The following UBA6 variants were observed in gnomAD, a reference collection of about 807,000 sequenced individuals.
UBA6 encodes the protein ubiquitin-like modifier-activating enzyme 6.
Under a neutral mutation model 148.3 loss-of-function variants are expected in UBA6, and 87 were observed. The ratio of observed to expected loss-of-function variants is 0.59; its 90% CI spans 0.49 to 0.70. The LOEUF (loss-of-function observed/expected upper bound fraction) is 0.70. Ranked by LOEUF, UBA6 falls within the 30% of genes least tolerant of loss-of-function variation. The pLI, the probability that UBA6 is intolerant of heterozygous loss-of-function variation, is 0.00. For missense variants in UBA6, 1,186 were observed against 1,241.2 expected (o/e 0.96, Z 0.67); for synonymous variants, 376 against 401.0 (o/e 0.94, Z 0.75).
At chr4:67,650,909 A>C (rs1357903131) in intron 13 of UBA6, among the ~76,000 whole-genome samples, 1 of 152,124 alleles carries the variant, frequency 6.6e-6, no homozygotes, top group African/African-American at 2.4e-5. Flanking sequence ...AGAGATGTTA[A>C]GAGTTTGGTA....
At chr4:67,690,285 C>T (rs555400539) in intron 2 of UBA6, among the ~76,000 whole-genome samples, 19 of 152,064 alleles carry the variant, frequency 1.2e-4, no homozygotes, top group African/African-American at 4.6e-4. Flanking sequence ...GACCCTTATA[C>T]CATACAAAAT....
rs1275879492 is a variant in UBA6 at position 67,614,116 on chromosome 4, A to G, written c.*4881T>C. The G allele has an allele frequency of 2.0e-5, 3 of 152,140 alleles. No individual in the cohort carries two copies. The highest frequency in any genetic ancestry group is 4.4e-5 in the Non-Finnish European group (3 of 68,026). 9.4% of individuals were successfully genotyped at this position (152,140 alleles called of 1,614,324 possible). The stretch of plus-strand genomic sequence containing the variant: ...TGCACAATAAAACTTGTTCTCCACA[A>G]TCTCTTATTTAACCTGAATATTTCC... On this transcript the variant is annotated 3_prime_UTR_variant, in exon 33 of 33. Coordinates refer to ENST00000322244, the MANE Select transcript of UBA6 (RefSeq NM_018227.6).
chr4:67,624,869 A>G lies in UBA6; in HGVS notation c.2712+125T>C, dbSNP rs1214598465. On this transcript the variant is annotated intron_variant, in intron 29 of 32. Transcript: ENST00000322244. ...TTCAGAAAATATTTTGAAATTTTAA[A>G]TTATGAGATCCAATATTTATCCTTC... The G allele has an allele frequency of 6.9e-6, 5 of 721,450 alleles. No homozygotes were observed. In the African/African-American group the frequency reaches 7.1e-5, roughly 10 times the overall value. 44.7% of individuals were successfully genotyped at this position (721,450 alleles called of 1,614,324 possible).
At chr4:67,688,811 T>G (rs1730628922) in intron 2 of UBA6, among the ~76,000 whole-genome samples, 1 of 152,148 alleles carries the variant, frequency 6.6e-6, no homozygotes, top group African/African-American at 2.4e-5. Context: ...AGGTTTCGTT[T>G]TATAGGGAAA....
chr4:67,693,924 A>T (rs1000275340), intron 2 of UBA6, among the ~76,000 whole-genome samples: 1 of 152,212 alleles, frequency 6.6e-6, no homozygotes, highest in East Asian at 1.9e-4. Context: ...TTTTAAAAAG[A>T]GAAAATACAG....
Position 67,630,553 on chromosome 4 carries a change from TA to T in UBA6, c.2259-19del. ...TGAGGTGCCTTTTGAAATTAAAAAA[TA>T]AAGCAAAATTTGAATGTACAGTTTT... On this transcript the variant is annotated intron_variant, in intron 25 of 32. Transcript: ENST00000322244. 3 of 1,532,710 alleles carry T rather than the reference TA, an allele frequency of 2.0e-6. No homozygotes were observed. The highest frequency in any genetic ancestry group is 1.8e-6 in the Non-Finnish European group (2 of 1,131,722). 94.9% of individuals were successfully genotyped at this position (1,532,710 alleles called of 1,614,324 possible). A position where few individuals can be genotyped will look rare whatever the true frequency, so the allele number is the denominator to read the frequency against.
intron 7 of UBA6, among the ~76,000 whole-genome samples, chr4:67,673,466 T>A (rs549549627): frequency 9.9e-5 from 15 of 151,674 alleles, no homozygotes; most frequent in African/African-American, 2.7e-4. Flanking sequence ...ATGTTTATCA[T>A]CCTTTCCATT....
rs1352790286 is a variant in UBA6, at chr4:67,669,484, T to C, written c.670-810A>G. ...TTACAAATACTATTATGTTAAAGTA[T>C]ATTATCATTCCCTTATTTTGTCTTC... is the stretch of plus-strand genomic sequence containing the variant. On this transcript the variant is annotated intron_variant, in intron 8 of 32. Coordinates refer to ENST00000322244, the MANE Select transcript of UBA6 (RefSeq NM_018227.6). Among the ~76,000 whole-genome samples, 3 of 152,190 alleles carry C rather than the reference T, an allele frequency of 2.0e-5. No homozygotes were observed. In the East Asian group the frequency reaches 5.8e-4, roughly 29 times the overall value.
At chr4:67,632,009 TG>T in intron 23 of UBA6, 101 bp from the exon 24 acceptor site, 1 of 1,115,332 alleles carries the variant, frequency 9.0e-7, no homozygotes. Context: ...TATATGCACA[TG>T]ATTCAAAAAT....
rs568244946 is a variant in UBA6, at chr4:67,679,288, CAG to C, written c.259-757_259-756del. Among the ~76,000 whole-genome samples, 835 of 152,116 alleles carry C rather than the reference CAG, an allele frequency of 5.5e-3. 7 individuals are homozygous for C. Among genetic ancestry groups the C allele is most frequent in the South Asian group, 0.022 (105 of 4,814 alleles). On this transcript the variant is annotated intron_variant, in intron 4 of 32. Transcript: ENST00000322244. Reference sequence around the variant, plus strand: ...GAAGAATAAACCAAATATAAAAAGACAGTAACCTAATAAGTGAAGGAGGAAAC... The same window carrying C: ...GAAGAATAAACCAAATATAAAAAGACTAACCTAATAAGTGAAGGAGGAAAC...
intron 13 of UBA6, among the ~76,000 whole-genome samples, chr4:67,660,515 G>A (rs1350936629): frequency 6.6e-6 from 1 of 152,188 alleles, no homozygotes; most frequent in African/African-American, 2.4e-5. Context: ...ATGGTGTTGG[G>A]CTGTGGGTGC....
At chr4:67,672,297 C>T (rs976418926) in intron 7 of UBA6, among the ~76,000 whole-genome samples, 1 of 152,154 alleles carries the variant, frequency 6.6e-6, no homozygotes, top group Non-Finnish European at 1.5e-5. Context: ...TATACATATT[C>T]CATTGTCAGA....
intron 6 of UBA6, 22 bp from the exon 7 acceptor site, chr4:67,673,799 A>G (rs1730209442): frequency 2.6e-6 from 4 of 1,513,956 alleles, no homozygotes. Context: ...ACAACAAATT[A>G]AAAACTAGAA....
intron 11 of UBA6, 177 bp from the exon 12 acceptor site, chr4:67,663,392 C>T: frequency 2.0e-6 from 1 of 490,514 alleles, no homozygotes; most frequent in Non-Finnish European, 3.7e-6. Context: ...ATGACTTAAC[C>T]TCAAGGCCAT....
chr4:67,671,484 CT>C (rs1040824709), intron 7 of UBA6, among the ~76,000 whole-genome samples: 17 of 148,888 alleles, frequency 1.1e-4, no homozygotes, highest in African/African-American at 3.5e-4. Context: ...AACTTAGAAG[CT>C]TTTTTTTTAA....
chr4:67,657,990 A>G (rs1009285423), intron 13 of UBA6, among the ~76,000 whole-genome samples: 2 of 152,216 alleles, frequency 1.3e-5, no homozygotes, highest in African/African-American at 4.8e-5. Flanking sequence ...CAAAACCACA[A>G]TGAGATACCA....
At chr4:67,637,997 G>A (rs1729207659) in intron 19 of UBA6, among the ~76,000 whole-genome samples, 1 of 151,442 alleles carries the variant, frequency 6.6e-6, no homozygotes, top group Non-Finnish European at 1.5e-5. Flanking sequence ...CTGAAAGGAT[G>A]AAGAAAAAAA....
intron 5 of UBA6, among the ~76,000 whole-genome samples, chr4:67,677,953 C>G (rs1392561543): frequency 6.6e-5 from 10 of 151,466 alleles, no homozygotes; most frequent in African/African-American, 2.4e-4. Flanking sequence ...AAAGTGTACC[C>G]TAATAGTTCC....
Position 67,677,635 on chromosome 4 carries a change from A to C in UBA6, c.441T>G (p.Asp147Glu). 6.3e-7 allele frequency: 1 copy of C among 1,588,714 alleles called. No individual in the cohort carries two copies. The highest frequency in any genetic ancestry group is 8.6e-7 in the Non-Finnish European group (1 of 1,160,012). ...CCTGGTATTTATCTAAAAAGGAGAG[A>C]TCTGTGGTCTCATTGAAAGGAACAG... The part of the protein sequence containing the change: ...SSSVPFNETT[D>E]LSFLDKYQCV... Residue 147 changes from aspartate to glutamate, a missense_variant, in exon 6 of 33, where the codon GAT becomes GAG. Physicochemically the swap from Asp to Glu is conservative, Grantham distance 45. Transcript: ENST00000322244.
Sources: gnomAD v4.1 joint callset for allele counts (sites outside exome capture counted in the v4.1 genomes callset) on GRCh38, gnomAD v4.1.1 for gene constraint, MANE v1.5 for transcripts, NCBI Gene and HGNC (gene_info 2026-07-23, HGNC 2026-07-21) for gene names.